Variants in PFKFB3 observed in about 807,000 individuals in gnomAD.
PFKFB3 encodes 6-phosphofructo-2-kinase/fructose-2,6-bisphosphatase 3.
A neutral mutation model predicts 68.0 loss-of-function variants in PFKFB3; 33 were observed. That is an observed-to-expected ratio of 0.49 (90% confidence interval 0.37 to 0.65). The LOEUF is 0.65. Among genes scored for constraint, PFKFB3 ranks in the 30% least tolerant of loss-of-function variants. PFKFB3 has a pLI of 0.00. For missense variants in PFKFB3, 586 were observed against 712.2 expected, an observed-to-expected ratio of 0.82 and a Z score of 2.02; for synonymous variants, 315 against 288.2, an observed-to-expected ratio of 1.09 and a Z score of -0.94.
At chr10:6,230,398 G>T (rs1320788233) in intron 14 of PFKFB3, among the ~76,000 whole-genome samples, 1 of 152,138 alleles carries the variant, frequency 6.6e-6, no homozygotes, top group Non-Finnish European at 1.5e-5. Context: ...GGCACTCTGG[G>T]CAAGTTAAAG....
the PFKFB3 span, chr10:6,293,362 C>T: frequency 1.2e-4 from 32 of 270,098 alleles, no homozygotes; most frequent in East Asian, 5.5e-4. Flanking sequence ...TTCTTTCTTT[C>T]GGAGATGGAG....
intron 14 of PFKFB3, among the ~76,000 whole-genome samples, chr10:6,251,033 C>G (rs1361146101): frequency 6.6e-6 from 1 of 152,132 alleles, no homozygotes; most frequent in Non-Finnish European, 1.5e-5. Flanking sequence ...GCTTTGTCCC[C>G]CGTCCCCATG....
chr10:6,178,328 G>A (rs964905809), intron 1 of PFKFB3, among the ~76,000 whole-genome samples: 6 of 152,136 alleles, frequency 3.9e-5, no homozygotes, highest in Admixed American at 1.3e-4. Flanking sequence ...TGGTTCCAGG[G>A]TCCATCAGCA....
intron 1 of PFKFB3, among the ~76,000 whole-genome samples, chr10:6,168,917 C>T (rs552436599): frequency 6.6e-6 from 1 of 152,166 alleles, no homozygotes; most frequent in Non-Finnish European, 1.5e-5. Flanking sequence ...GAATGCCTCT[C>T]CCGTCTGCCC....
chr10:6,182,447 C>A (rs561880913), intron 1 of PFKFB3, among the ~76,000 whole-genome samples: 5 of 152,296 alleles, frequency 3.3e-5, no homozygotes, highest in African/African-American at 1.2e-4. Context: ...GTGCTGCCGG[C>A]AGCCTTTCCA....
chr10:6,312,657 T>A, the PFKFB3 span, among the ~76,000 whole-genome samples: 1 of 151,924 alleles, frequency 6.6e-6, no homozygotes, highest in African/African-American at 2.4e-5. Context: ...GCTGGCCGAG[T>A]TTTAATGATA....
chr10:6,244,708 G>A (rs1846216316), intron 14 of PFKFB3, among the ~76,000 whole-genome samples: 1 of 151,772 alleles, frequency 6.6e-6, no homozygotes, highest in South Asian at 2.1e-4. Context: ...TGAGAAGCTG[G>A]AAAGGGCAGC....
At chr10:6,255,051 A>T (rs1213177900), downstream of PFKFB3, among the ~76,000 whole-genome samples, 1 of 151,152 alleles carries the variant, frequency 6.6e-6, no homozygotes, top group Non-Finnish European at 1.5e-5. Context: ...TCCTGATCTC[A>T]AGTGATCGGC....
chr10:6,220,249 G>A lies in PFKFB3; in HGVS notation c.624-409G>A, dbSNP rs1262224038. Among the ~76,000 whole-genome samples the A allele has an allele frequency of 6.6e-6, 1 of 151,282 alleles. No homozygotes were observed. The highest frequency in any genetic ancestry group is 6.6e-5 in the Admixed American group (1 of 15,238). Reference sequence around the variant, plus strand: ...CATGAGTAACTGGGACTACAGGTGTGGGTGTCCACGCCCAGCTAATTTTTT... The same window carrying A: ...CATGAGTAACTGGGACTACAGGTGTAGGTGTCCACGCCCAGCTAATTTTTT... On this transcript the variant is annotated intron_variant, in intron 7 of 14. Coordinates refer to ENST00000379775, the MANE Select transcript of PFKFB3 (RefSeq NM_004566.4). This position sits in a 1 kb window ranked among gnomAD's most constrained non-coding sequence, Gnocchi z 4.1.
At chr10:6,177,419 T>TCTTTCTTTCTTTCTTTCTTCTTTC (rs1564599761) in intron 1 of PFKFB3, among the ~76,000 whole-genome samples, 3 of 132,342 alleles carry the variant, frequency 2.3e-5, no homozygotes, top group Non-Finnish European at 3.3e-5. Context: ...TTCTTTCTCT[T>TCTTTCTTTCTTTCTTTCTTCTTTC]TCTTCCTTTC....
chr10:6,219,534 C>T (rs556389515), intron 6 of PFKFB3, 35 bp from the exon 7 acceptor site: 89 of 1,613,116 alleles, frequency 5.5e-5, no homozygotes, highest in Middle Eastern at 1.6e-4. Flanking sequence ...AGCCTTCCAG[C>T]GTGATTTATC....
chr10:6,188,966 C>A (rs1317508327), intron 1 of PFKFB3, among the ~76,000 whole-genome samples: 2 of 151,686 alleles, frequency 1.3e-5, no homozygotes, highest in Non-Finnish European at 2.9e-5. Context: ...TCCCGAGTAG[C>A]TGGGACTACA....
the PFKFB3 span, among the ~76,000 whole-genome samples, chr10:6,292,266 CTTTTTTTTTTTCTTTTTTTTTTT>C: frequency 9.3e-6 from 1 of 107,264 alleles, no homozygotes; most frequent in Non-Finnish European, 1.8e-5. Context: ...AACCAGTGTA[CTTTTTTTTTTTCTTTTTTTTTTT>C]TTTTTTTTTT....
rs1048855086 is a variant in PFKFB3, at chr10:6,235,382, T to C, written c.*2440T>C. On this transcript the variant is annotated 3_prime_UTR_variant, in exon 15 of 15. Coordinates refer to ENST00000379775, the MANE Select transcript of PFKFB3 (RefSeq NM_004566.4). ...TGTTAATTGGTTTGGGAGCCTCCTATGTGTGACTTATGACTTCTCTGTGTT... is the reference window on the plus strand; with the variant it reads ...TGTTAATTGGTTTGGGAGCCTCCTACGTGTGACTTATGACTTCTCTGTGTT... 2.0e-5 allele frequency: 3 copies of C among 152,298 alleles called. No individual in the cohort carries two copies. Among genetic ancestry groups the C allele is most frequent in the Admixed American group, 1.3e-4 (2 of 15,280 alleles). 9.4% of individuals were successfully genotyped at this position (152,298 alleles called of 1,614,324 possible).
chr10:6,321,645 G>GCACTCACCCAGCAAAAATCACT, the PFKFB3 span, among the ~76,000 whole-genome samples: 3 of 151,984 alleles, frequency 2.0e-5, no homozygotes, highest in African/African-American at 7.3e-5. Flanking sequence ...ACTCTCCTTT[G>GCACTCACCCAGCAAAAATCACT]CACTCACCCA....
At chr10:6,177,438 C>CTTTTCTT (rs1554842946) in intron 1 of PFKFB3, among the ~76,000 whole-genome samples, 1 of 86,630 alleles carries the variant, frequency 1.2e-5, no homozygotes, top group African/African-American at 4.2e-5. Context: ...TCTTTTCTTT[C>CTTTTCTT]TCTTTCTTTC....
At chr10:6,187,167 C>A (rs567080624) in intron 1 of PFKFB3, among the ~76,000 whole-genome samples, 38 of 151,288 alleles carry the variant, frequency 2.5e-4, no homozygotes, top group African/African-American at 8.5e-4. Flanking sequence ...TCAAGACCAG[C>A]CTGGCCAACA....
At chr10:6,227,346 G>A (rs1845427851) in intron 14 of PFKFB3, among the ~76,000 whole-genome samples, 1 of 152,162 alleles carries the variant, frequency 6.6e-6, no homozygotes, top group African/African-American at 2.4e-5. Flanking sequence ...AATCAGCCCA[G>A]TGCAGCTTCC....
At chr10:6,152,870 G>T (rs11257004) in intron 1 of PFKFB3, among the ~76,000 whole-genome samples, 306 of 152,146 alleles carry the variant, frequency 2.0e-3, no homozygotes, top group Middle Eastern at 0.014. Flanking sequence ...AACAGAAAGA[G>T]ACCTTGTCTT....
Sources: gnomAD v4.1 joint callset for allele counts (sites outside exome capture counted in the v4.1 genomes callset) on GRCh38, gnomAD v4.1.1 for gene constraint, Gnocchi (gnomAD v3.1) non-coding constraint, MANE v1.5 for transcripts, NCBI Gene and HGNC (gene_info 2026-07-23, HGNC 2026-07-21) for gene names.